PDE10A: variants seen among roughly 807,000 people sequenced by gnomAD.
PDE10A encodes the protein cAMP and cAMP-inhibited cGMP 3',5'-cyclic phosphodiesterase 10A.
Under a neutral mutation model 97.7 loss-of-function variants are expected in PDE10A, and 39 were observed. That is an observed-to-expected ratio of 0.40 (90% CI 0.31 to 0.52). The LOEUF is 0.52. PDE10A is among the 20% of genes least tolerant of loss of function. PDE10A has a pLI of 0.56. For synonymous variants in PDE10A, 371 were observed against 376.8 expected, an observed-to-expected ratio of 0.98 and a Z score of 0.18; for missense variants, 731 against 1,047.8, an observed-to-expected ratio of 0.70 and a Z score of 4.17.
intron 18 of PDE10A, among the ~76,000 whole-genome samples, chr6:165,367,051 T>G (rs1051661904): frequency 6.6e-6 from 1 of 151,962 alleles, no homozygotes; most frequent in Non-Finnish European, 1.5e-5. Flanking sequence ...AAAACCCAGA[T>G]AGTGAAAATT....
At chr6:165,681,426 GTGTC>G (rs1262039266) in intron 1 of PDE10A, among the ~76,000 whole-genome samples, 9 of 149,062 alleles carry the variant, frequency 6.0e-5, no homozygotes, top group Admixed American at 1.3e-4. Flanking sequence ...GTGTGTGTGT[GTGTC>G]TGTGTGCATT....
chr6:165,447,776 G>A (rs529396086), intron 5 of PDE10A, among the ~76,000 whole-genome samples: 4 of 152,154 alleles, frequency 2.6e-5, no homozygotes, highest in South Asian at 2.1e-4. Flanking sequence ...CTTATCTGAC[G>A]GTTTATATGA....
At chr6:165,502,817 G>C (rs1780966585) in intron 2 of PDE10A, among the ~76,000 whole-genome samples, 1 of 152,174 alleles carries the variant, frequency 6.6e-6, no homozygotes, top group South Asian at 2.1e-4. Flanking sequence ...AGGCAGATCA[G>C]AGGTTGCCAG....
chr6:165,620,889 T>C (rs1017928659), intron 1 of PDE10A, among the ~76,000 whole-genome samples: 12 of 151,854 alleles, frequency 7.9e-5, no homozygotes, highest in Non-Finnish European at 1.5e-4. Context: ...GGTATGATAG[T>C]GTGCACCTGT....
chr6:165,922,058 G>A (rs1270369368), intron 1 of PDE10A, among the ~76,000 whole-genome samples: 1 of 152,178 alleles, frequency 6.6e-6, no homozygotes, highest in Non-Finnish European at 1.5e-5. Context: ...GACATATCTT[G>A]AAGATTATAG....
At chr6:165,347,120 C>T (rs1782365827) in intron 18 of PDE10A, among the ~76,000 whole-genome samples, 1 of 151,388 alleles carries the variant, frequency 6.6e-6, no homozygotes, top group Admixed American at 6.6e-5. Context: ...TGCTTTTAAA[C>T]TCATTTTCAA....
intron 1 of PDE10A, among the ~76,000 whole-genome samples, chr6:165,650,197 G>A (rs1789608200): frequency 6.6e-6 from 1 of 152,306 alleles, no homozygotes; most frequent in South Asian, 2.1e-4. Context: ...GAACAGCAAA[G>A]TAAGGCAATT....
chr6:165,474,424 TA>T (rs1258700782), intron 3 of PDE10A, among the ~76,000 whole-genome samples: 1 of 152,242 alleles, frequency 6.6e-6, no homozygotes, highest in East Asian at 1.9e-4. Flanking sequence ...CTTAAAGAAG[TA>T]ATGTTCACCT....
chr6:165,482,945 G>C (rs1562508732), intron 2 of PDE10A, among the ~76,000 whole-genome samples: 1 of 152,164 alleles, frequency 6.6e-6, no homozygotes, highest in Non-Finnish European at 1.5e-5. Context: ...ACAGGGTCTA[G>C]GTGAGAATCC....
intron 1 of PDE10A, among the ~76,000 whole-genome samples, chr6:165,909,595 C>T (rs766217591): frequency 3.3e-5 from 5 of 152,182 alleles, no homozygotes; most frequent in Non-Finnish European, 5.9e-5. Context: ...TAACTGGCTG[C>T]CCCATTGGTT....
intron 13 of PDE10A, among the ~76,000 whole-genome samples, chr6:165,406,228 A>ATGTGTGTGTGTGTGTGTGTGTGTGTGTG (rs3839483): frequency 2.8e-5 from 4 of 140,420 alleles, no homozygotes; most frequent in African/African-American, 8.1e-5. Flanking sequence ...AGGGAAAAGG[A>ATGTGTGTGTGTGTGTGTGTGTGTGTGTG]TGTGTGTGTG....
chr6:165,869,143 AAAG>A (rs554792535), intron 1 of PDE10A, among the ~76,000 whole-genome samples: 67 of 152,300 alleles, frequency 4.4e-4, no homozygotes, highest in Non-Finnish European at 8.7e-4. Context: ...TCAAATTAGA[AAAG>A]AAGAAGTCAA....
At chr6:165,577,487 C>T (rs545778231) in intron 1 of PDE10A, among the ~76,000 whole-genome samples, 1 of 152,200 alleles carries the variant, frequency 6.6e-6, no homozygotes, top group Non-Finnish European at 1.5e-5. Context: ...CACGAAGCTA[C>T]TGAATGGGCT....
At position 165,448,993 on chromosome 6, in the gene PDE10A, GA is replaced by G; in HGVS notation, c.1145-17del. The stretch of plus-strand genomic sequence containing the variant: ...GCTTTTGTGGCTGCCAAAGTAATAA[GA>G]AAAGGAAGAAACTGAGCTCAGTGGG... On this transcript the variant is annotated splice_polypyrimidine_tract_variant and intron_variant, in intron 4 of 21. Transcript: ENST00000539869. 6.2e-7 allele frequency: 1 copy of G among 1,606,516 alleles called. No individual in the cohort carries two copies. Among genetic ancestry groups the G allele is most frequent in the Non-Finnish European group, 8.5e-7 (1 of 1,173,302 alleles).
At chr6:165,630,766 C>CA (rs200036468) in intron 1 of PDE10A, among the ~76,000 whole-genome samples, 565 of 151,804 alleles carry the variant, frequency 3.7e-3, no homozygotes, top group African/African-American at 0.012. Context: ...AGTAACCTCA[C>CA]AAAAAAAACA....
At chr6:165,465,864 G>A (rs1316720188) in intron 3 of PDE10A, among the ~76,000 whole-genome samples, 1 of 152,160 alleles carries the variant, frequency 6.6e-6, no homozygotes, top group African/African-American at 2.4e-5. Context: ...AACCATATCA[G>A]GTATGATTTA....
At chr6:165,893,713 G>T (rs556629202) in intron 1 of PDE10A, among the ~76,000 whole-genome samples, 1 of 152,014 alleles carries the variant, frequency 6.6e-6, no homozygotes, top group Non-Finnish European at 1.5e-5. Context: ...CAAGTGTCTA[G>T]CACCCTGCTA....
chr6:165,381,631 A>ATTTTTTTTTTTT (rs547827126), intron 17 of PDE10A, among the ~76,000 whole-genome samples: 36 of 118,650 alleles, frequency 3.0e-4, no homozygotes, highest in Non-Finnish European at 4.9e-4. Context: ...CACCTGGCTA[A>ATTTTTTTTTTTT]TTTTTTTTTT....
intron 1 of PDE10A, among the ~76,000 whole-genome samples, chr6:165,896,878 C>G (rs1781966244): frequency 6.6e-6 from 1 of 152,048 alleles, no homozygotes; most frequent in African/African-American, 2.4e-5. Context: ...CCATGTCGGT[C>G]AGGCTGGTCG....
Sources: allele counts gnomAD v4.1 joint callset (sites outside exome capture counted in the v4.1 genomes callset), GRCh38; gene constraint gnomAD v4.1.1; transcripts MANE v1.5; gene names NCBI Gene and HGNC (gene_info 2026-07-23, HGNC 2026-07-21).